Variants in PIWIL4 observed in about 807,000 individuals in gnomAD.
PIWIL4 encodes the protein piwi-like protein 4.
PIWIL4 carries 50 observed loss-of-function variants against 100.9 expected under a neutral mutation model. The observed-to-expected ratio is 0.50, with a 90% CI of 0.39 to 0.63. The LOEUF (loss-of-function observed/expected upper bound fraction) is 0.63, where lower values mean the gene tolerates loss of function less well. PIWIL4 is among the 20% of genes least tolerant of loss of function. The pLI, the probability that PIWIL4 is intolerant of heterozygous loss-of-function variation, is 0.00. For synonymous variants in PIWIL4, 342 were observed against 367.5 expected (o/e 0.93, Z 0.79); for missense variants, 887 against 1,043.3 (o/e 0.85, Z 2.06).
At chr11:94,601,419 A>G (rs1948639383) in intron 11 of PIWIL4, among the ~76,000 whole-genome samples, 1 of 152,202 alleles carries the variant, frequency 6.6e-6, no homozygotes, top group Admixed American at 6.5e-5. Context: ...TTAGATGCTT[A>G]AAGTAAAAGA....
chr11:94,584,588 C>G (rs1177441830), intron 5 of PIWIL4, among the ~76,000 whole-genome samples: 2 of 152,168 alleles, frequency 1.3e-5, no homozygotes. Context: ...CTATTAAAAT[C>G]CTTATTTTTA....
chr11:94,593,590 A>C lies in PIWIL4; in HGVS notation c.1099A>C (p.Asn367His). 6.2e-7 allele frequency: 1 copy of C among 1,614,076 alleles called. No homozygotes were observed. The highest frequency in any genetic ancestry group is 8.5e-7 in the Non-Finnish European group (1 of 1,179,968). ...TCTGTTAAAGAAGAAGAGAAATGAC[A>C]ACAGTGAGGCTCAGCTCGCCCACCT... ...VSLLKKKRND[N>H]SEAQLAHLIP... Residue 367 changes from asparagine (N) to histidine (H), a missense_variant, in exon 9 of 20, where the codon AAC becomes CAC. By Grantham distance (68) the Asn-to-His change is moderately conservative (BLOSUM62 1). This residue lies in a region of PIWIL4 where 741 missense variants were observed against 930.0 expected (regional missense o/e 0.80). Coordinates refer to ENST00000299001, the MANE Select transcript of PIWIL4 (RefSeq NM_152431.3).
intron 2 of PIWIL4, among the ~76,000 whole-genome samples, chr11:94,572,904 A>AT (rs1250466233): frequency 6.6e-6 from 1 of 152,218 alleles, no homozygotes; most frequent in Non-Finnish European, 1.5e-5. Flanking sequence ...CACGATATTG[A>AT]TTCTTCCTAT....
intron 10 of PIWIL4, among the ~76,000 whole-genome samples, chr11:94,596,676 C>T (rs191379540): frequency 7.2e-5 from 11 of 152,250 alleles, no homozygotes; most frequent in Non-Finnish European, 1.2e-4. Flanking sequence ...ATTCCTGGTT[C>T]GTTTCCCTTA....
At chr11:94,620,172 A>T in intron 19 of PIWIL4, 28 bp downstream of exon 19, 1 of 1,548,978 alleles carries the variant, frequency 6.5e-7, no homozygotes, top group Non-Finnish European at 8.7e-7. Flanking sequence ...ACTTAATGTA[A>T]ATATGATACT....
At chr11:94,587,782 T>G (rs1948422925) in intron 7 of PIWIL4, among the ~76,000 whole-genome samples, 1 of 152,190 alleles carries the variant, frequency 6.6e-6, no homozygotes, top group African/African-American at 2.4e-5. Flanking sequence ...TTTATTAGAT[T>G]CAGGAGTCTT....
intron 8 of PIWIL4, among the ~76,000 whole-genome samples, chr11:94,590,402 T>C (rs1948467693): frequency 6.6e-6 from 1 of 152,188 alleles, no homozygotes; most frequent in Non-Finnish European, 1.5e-5. Flanking sequence ...TATCTTAGTC[T>C]CCTTTGACGT....
At chr11:94,615,100 G>A (rs1948831171) in intron 15 of PIWIL4, among the ~76,000 whole-genome samples, 1 of 152,152 alleles carries the variant, frequency 6.6e-6, no homozygotes, top group Non-Finnish European at 1.5e-5. Context: ...GAAACCCACA[G>A]GAGGGCCTCT....
Position 94,575,035 on chromosome 11 carries a change from C to A in PIWIL4, c.203C>A (p.Thr68Asn), listed in dbSNP as rs745332669. ...ATATCTTCTGGTGATGCTGGAAGTACCTTCATGGAAAGAGGTGTGAAAAAC... is the reference window on the plus strand; with the variant it reads ...ATATCTTCTGGTGATGCTGGAAGTAACTTCATGGAAAGAGGTGTGAAAAAC... ...YGISSGDAGS[T>N]FMERGVKNKQ... is the part of the protein sequence containing the mutation. The change falls in exon 3 of 20, where the codon ACC (threonine) becomes AAC (asparagine). Residue 68 changes from threonine to asparagine, a missense_variant. By Grantham distance (65) the Thr-to-Asn change is moderately conservative. Coordinates refer to ENST00000299001, the MANE Select transcript of PIWIL4 (RefSeq NM_152431.3). 6.2e-7 allele frequency: 1 copy of A among 1,613,112 alleles called. No individual in the cohort carries two copies. The highest frequency in any genetic ancestry group is 1.3e-5 in the African/African-American group (1 of 74,972).
At chr11:94,602,078 GT>G in intron 12 of PIWIL4, 99 bp downstream of exon 12, 1 of 1,122,518 alleles carries the variant, frequency 8.9e-7, no homozygotes, top group Non-Finnish European at 1.3e-6. Flanking sequence ...TATCCCAGTA[GT>G]TTCCTAATGT....
rs200109578 is a variant in PIWIL4, at chr11:94,617,971, T to C, written c.2032T>C (p.Tyr678His). ...TTCTGCAGGAGCACTCAACAAATGGTACAAGTACAATCATGATTTGCCAGC... is the reference window on the plus strand; with the variant it reads ...TTCTGCAGGAGCACTCAACAAATGGCACAAGTACAATCATGATTTGCCAGC... ...VFMTGALNKW[Y>H]KYNHDLPARI... is the part of the protein sequence containing the mutation. The change falls in exon 17 of 20, where the codon TAC becomes CAC. Residue 678 changes from tyrosine to histidine, a missense_variant. Around this residue, in one of 2 missense-constraint regions of PIWIL4, gnomAD observed 741 missense variants for 930.0 expected, o/e 0.80. Coordinates refer to ENST00000299001, the MANE Select transcript of PIWIL4 (RefSeq NM_152431.3). 340 of 1,613,870 alleles carry C rather than the reference T, an allele frequency of 2.1e-4. No individual in the cohort carries two copies. The highest frequency in any genetic ancestry group is 2.0e-4 in the Non-Finnish European group (236 of 1,179,922).
chr11:94,568,948 C>G (rs1282099994), intron 2 of PIWIL4, 140 bp downstream of exon 2: 8 of 688,820 alleles, frequency 1.2e-5, no homozygotes, highest in Non-Finnish European at 1.9e-5. Context: ...TGTCATGTTC[C>G]TTTGGGACTC....
At chr11:94,613,690 G>C (rs1210894283) in intron 15 of PIWIL4, among the ~76,000 whole-genome samples, 5 of 152,032 alleles carry the variant, frequency 3.3e-5, no homozygotes, top group East Asian at 3.9e-4. Context: ...CAAATTCACA[G>C]ATTCTTCTAC....
chr11:94,610,992 A>G (rs1045130531), intron 15 of PIWIL4, among the ~76,000 whole-genome samples: 2 of 152,146 alleles, frequency 1.3e-5, no homozygotes, highest in African/African-American at 4.8e-5. Flanking sequence ...TTACATGTGA[A>G]TATCTAGTTA....
At position 94,567,523 on chromosome 11, in the gene PIWIL4, G is replaced by A. The variant is rs761264642; in HGVS notation, c.5G>A (p.Ser2Asn). 2 of 1,597,640 alleles carry A rather than the reference G, an allele frequency of 1.3e-6. No homozygotes were observed. Among genetic ancestry groups the A allele is most frequent in the Non-Finnish European group, 1.7e-6 (2 of 1,172,422 alleles). The change falls in exon 1 of 20, where the codon AGT becomes AAT. Residue 2 changes from serine to asparagine, a missense_variant. Physicochemically the swap from Ser to Asn is conservative, Grantham distance 46. Coordinates refer to ENST00000299001, the MANE Select transcript of PIWIL4 (RefSeq NM_152431.3). ...CACTCTGGGCTCACCGGGAACATGA[G>A]TGGAAGAGCCCGAGTGAAGGCCAGA... M[S>N]GRARVKARGI...
intron 2 of PIWIL4, among the ~76,000 whole-genome samples, chr11:94,572,912 T>C (rs576000884): frequency 1.2e-3 from 184 of 152,374 alleles, no homozygotes; most frequent in African/African-American, 4.3e-3. Flanking sequence ...TGATTCTTCC[T>C]ATCCATGAGC....
chr11:94,603,354 C>T (rs1198211458), intron 12 of PIWIL4, among the ~76,000 whole-genome samples: 1 of 152,172 alleles, frequency 6.6e-6, no homozygotes, highest in Non-Finnish European at 1.5e-5. Flanking sequence ...CATAAAGAAA[C>T]TAGTTTTACA....
rs530544114 is a variant in PIWIL4 at position 94,598,944 on chromosome 11, G to T, written c.1380+1029G>T. 1.1e-4 allele frequency among the ~76,000 whole-genome samples: 17 copies of T among 152,246 alleles called. No homozygotes were observed. In the East Asian group the frequency reaches 3.3e-3, roughly 29 times the overall value. On this transcript the variant is annotated intron_variant, in intron 11 of 19. Transcript: ENST00000299001. ...GCTGGCCTTGAACTCCTGGGCTCAA[G>T]CCATCCTCCCACCTCAGCCTCTCAA...
Position 94,567,498 on chromosome 11 carries a change from C to T in PIWIL4, c.-21C>T. The stretch of plus-strand genomic sequence containing the variant: ...ACTGAGACTTTGCAGCTCTTGTGGC[C>T]ACTCTGGGCTCACCGGGAACATGAG... On this transcript the variant is annotated 5_prime_UTR_variant, in exon 1 of 20. Coordinates refer to ENST00000299001, the MANE Select transcript of PIWIL4 (RefSeq NM_152431.3). 3.3e-6 allele frequency: 5 copies of T among 1,537,186 alleles called. No individual in the cohort carries two copies. Among genetic ancestry groups the T allele is most frequent in the Non-Finnish European group, 3.5e-6 (4 of 1,137,350 alleles).
Sources: gnomAD v4.1 joint callset for allele counts (sites outside exome capture counted in the v4.1 genomes callset) on GRCh38, gnomAD v4.1.1 for gene constraint, gnomAD v4.1.1 regional missense constraint, MANE v1.5 for transcripts, NCBI Gene and HGNC (gene_info 2026-07-23, HGNC 2026-07-21) for gene names.